The following SLC44A2 variants were observed in gnomAD, a reference collection of about 807,000 sequenced individuals.
SLC44A2 encodes the protein solute carrier family 44 member 2 (CTL2 blood group), also known as choline transporter-like protein 2.
SLC44A2 carries 57 observed loss-of-function variants against 90.8 expected under a neutral mutation model. The ratio of observed to expected loss-of-function variants is 0.63; its 90% CI spans 0.51 to 0.78. The LOEUF (loss-of-function observed/expected upper bound fraction) is 0.78, where lower values mean the gene tolerates loss of function less well. Ranked by LOEUF, SLC44A2 falls within the 30% of genes least tolerant of loss-of-function variation. SLC44A2 has a pLI of 0.00. For missense variants in SLC44A2, 794 were observed against 919.7 expected (o/e 0.86, Z 1.77); for synonymous variants, 355 against 360.7 (o/e 0.98, Z 0.18).
Position 10,626,265 on chromosome 19 carries a change from A to G in SLC44A2, c.50A>G (p.Lys17Arg). 1.9e-6 allele frequency: 3 copies of G among 1,613,702 alleles called. No homozygotes were observed. Among genetic ancestry groups the G allele is most frequent in the African/African-American group, 1.3e-5 (1 of 75,044 alleles). Residue 17 changes from lysine to arginine, a missense_variant, in exon 2 of 22, where the codon AAG becomes AGG. Around this residue, in one of 3 missense-constraint regions of SLC44A2, gnomAD observed 738 missense variants for 841.1 expected, o/e 0.88. Coordinates refer to ENST00000335757, the MANE Select transcript of SLC44A2 (RefSeq NM_020428.4). The stretch of plus-strand genomic sequence containing the variant: ...TCTTGACTTTCAGGAACGCCACAGA[A>G]GTATGATCCCACTTTCAAAGGACCC... The part of the protein sequence containing the change: ...HYYGKHGTPQ[K>R]YDPTFKGPIY...
Position 10,620,370 on chromosome 19 carries a change from A to AC in SLC44A2, c.32-5880dup, listed in dbSNP as rs2066887337. ...GTGGTGTGCGCCTGTAATTCCAGTT[A>AC]CCCGGGGGTGCTGAGGCAGAAGAAT... On this transcript the variant is annotated intron_variant, in intron 1 of 21. Coordinates refer to the SLC44A2 transcript ENST00000407327. Among the ~76,000 whole-genome samples, 2 of 151,884 alleles carry AC rather than the reference A, an allele frequency of 1.3e-5. 1 individual carries two copies. The highest frequency in any genetic ancestry group is 4.8e-5 in the African/African-American group (2 of 41,422).
chr19:10,607,105 G>T (rs996741887), intron 1 of SLC44A2, among the ~76,000 whole-genome samples: 1 of 151,652 alleles, frequency 6.6e-6, no homozygotes, highest in Non-Finnish European at 1.5e-5. Context: ...AGTAGAGACC[G>T]GGTTTCGCCA....
chr19:10,638,738 G>A (rs2067085636), intron 20 of SLC44A2, among the ~76,000 whole-genome samples: 1 of 150,954 alleles, frequency 6.6e-6, no homozygotes, highest in Admixed American at 6.6e-5. Flanking sequence ...TAGTTCAAGC[G>A]ATTCTTGTGC....
In SLC44A2 at chr19:10,606,278, A is replaced by G. The variant is rs563823120; in HGVS notation, c.31+3717A>G. Reference sequence around the variant, plus strand: ...GCGCCACTGCACTCCAGCCTGGATGACAGAGGAAGACCCTGTCTCAAAATA... The same window carrying G: ...GCGCCACTGCACTCCAGCCTGGATGGCAGAGGAAGACCCTGTCTCAAAATA... On this transcript the variant is annotated intron_variant, in intron 1 of 21. Transcript: ENST00000407327. Among the ~76,000 whole-genome samples the G allele has an allele frequency of 1.4e-4, 21 of 152,304 alleles. 1 individual carries two copies. In the South Asian group the frequency reaches 4.3e-3, roughly 32 times the overall value.
At chr19:10,603,518 C>G (rs1252496524) in intron 1 of SLC44A2, among the ~76,000 whole-genome samples, 1 of 152,162 alleles carries the variant, frequency 6.6e-6, no homozygotes, top group African/African-American at 2.4e-5. Flanking sequence ...CGAAAATATT[C>G]AAGAAAAACA....
intron 20 of SLC44A2, chr19:10,641,092 G>GGA (rs1251859688): frequency 6.0e-6 from 2 of 331,774 alleles, no homozygotes; most frequent in South Asian, 3.6e-5. Flanking sequence ...GTCTCAGGAG[G>GGA]GAAAAAAAAA....
chr19:10,637,763 A>T lies in SLC44A2; in HGVS notation c.1695+16A>T, dbSNP rs1599257503. On this transcript the variant is annotated intron_variant, in intron 17 of 21. Coordinates refer to ENST00000335757, the MANE Select transcript of SLC44A2 (RefSeq NM_020428.4). The stretch of plus-strand genomic sequence containing the variant: ...CTACATCATGGTGAGTGGGCCTGGG[A>T]CCCCCAACCAACCCGCCAGCTCCTG... 1 of 1,613,040 alleles carries T rather than the reference A, an allele frequency of 6.2e-7. No individual in the cohort carries two copies. Among genetic ancestry groups the T allele is most frequent in the Non-Finnish European group, 8.5e-7 (1 of 1,179,362 alleles).
At chr19:10,642,206 G>A (rs1351842251) in intron 20 of SLC44A2, 161 bp from the exon 21 acceptor site, 5 of 611,282 alleles carry the variant, frequency 8.2e-6, no homozygotes, top group Non-Finnish European at 1.5e-5. Flanking sequence ...TTGTGTGGAT[G>A]GTGGGGCCCT....
Position 10,643,412 on chromosome 19 carries a change from G to A in SLC44A2, c.*27G>A. ...GGCCCCGTGCTCCCCACCTCTCAAG[G>A]AGTCTCATGCCGCAGGGTGCTCAGT... On this transcript the variant is annotated 3_prime_UTR_variant, in exon 22 of 22. Coordinates refer to ENST00000335757, the MANE Select transcript of SLC44A2 (RefSeq NM_020428.4). 6.3e-7 allele frequency: 1 copy of A among 1,593,338 alleles called. No individual in the cohort carries two copies. The highest frequency in any genetic ancestry group is 8.6e-7 in the Non-Finnish European group (1 of 1,168,056).
rs563245527 is a variant in SLC44A2 at position 10,609,386 on chromosome 19, G to A, written c.31+6825G>A. On this transcript the variant is annotated intron_variant, in intron 1 of 21. Transcript: ENST00000407327. The stretch of plus-strand genomic sequence containing the variant: ...ATGATCTCAGCTCACTGCAACCTCC[G>A]CCTCCTGGGTTCAAGTGATTCTCCT... Among the ~76,000 whole-genome samples the A allele has an allele frequency of 4.0e-5, 6 of 151,542 alleles. No homozygotes were observed. In the East Asian group the frequency reaches 1.2e-3, roughly 30 times the overall value.
intron 20 of SLC44A2, among the ~76,000 whole-genome samples, chr19:10,640,057 A>C (rs2067098722): frequency 6.7e-6 from 1 of 148,746 alleles, no homozygotes; most frequent in East Asian, 2.0e-4. Flanking sequence ...TCTTGGGCAA[A>C]TTATTTAATC....
At chr19:10,607,456 T>A (rs1402967671) in intron 1 of SLC44A2, among the ~76,000 whole-genome samples, 1 of 151,572 alleles carries the variant, frequency 6.6e-6, no homozygotes, top group Non-Finnish European at 1.5e-5. Context: ...GCTCAAGTGA[T>A]CCTCCTGCTT....
intron 1 of SLC44A2, among the ~76,000 whole-genome samples, chr19:10,612,982 CAG>C (rs1284432329): frequency 6.6e-6 from 1 of 152,202 alleles, no homozygotes; most frequent in Non-Finnish European, 1.5e-5. Context: ...CAAGCAACCT[CAG>C]TGTGCCCGTC....
chr19:10,624,064 C>T (rs1367904596), upstream of SLC44A2, among the ~76,000 whole-genome samples: 1 of 152,008 alleles, frequency 6.6e-6, no homozygotes, highest in Non-Finnish European at 1.5e-5. Flanking sequence ...GTGGCACGAT[C>T]TCGGCTCATT....
intron 1 of SLC44A2, among the ~76,000 whole-genome samples, chr19:10,603,929 C>T (rs1272720728): frequency 6.6e-6 from 1 of 152,174 alleles, no homozygotes; most frequent in African/African-American, 2.4e-5. Flanking sequence ...ATATGATTCA[C>T]CCAGCCTTGA....
chr19:10,616,423 TTTG>T (rs764424939), intron 1 of SLC44A2, among the ~76,000 whole-genome samples: 45 of 152,086 alleles, frequency 3.0e-4, no homozygotes, highest in Non-Finnish European at 5.6e-4. Context: ...TTTGTTTTGT[TTTG>T]TTGTTTTTTT....
intron 4 of SLC44A2, among the ~76,000 whole-genome samples, chr19:10,628,837 A>G (rs1195070019): frequency 1.3e-5 from 2 of 152,090 alleles, no homozygotes; most frequent in Non-Finnish European, 2.9e-5. Context: ...CGTTTTCCTC[A>G]TCTCTAAAAT....
At chr19:10,631,186 A>G in intron 5 of SLC44A2, 45 bp downstream of exon 5, 1 of 1,606,198 alleles carries the variant, frequency 6.2e-7, no homozygotes, top group Non-Finnish European at 8.5e-7. Flanking sequence ...CCCGCTTCCC[A>G]TCCTTTTCCC....
At chr19:10,642,534 A>G in intron 21 of SLC44A2, 83 bp downstream of exon 21, 1 of 1,318,146 alleles carries the variant, frequency 7.6e-7, no homozygotes, top group Non-Finnish European at 1.1e-6. Flanking sequence ...CAACGGGGCA[A>G]CACGCTTGCC....
Sources: gnomAD v4.1 joint callset for allele counts (sites outside exome capture counted in the v4.1 genomes callset) on GRCh38, gnomAD v4.1.1 for gene constraint, gnomAD v4.1.1 regional missense constraint, MANE v1.5 for transcripts, NCBI Gene and HGNC (gene_info 2026-07-23, HGNC 2026-07-21) for gene names.